The following SCN7A variants were observed in gnomAD, a reference collection of about 807,000 sequenced individuals.
SCN7A encodes the protein sodium channel protein type 7 subunit alpha.
SCN7A carries 138 observed loss-of-function variants against 155.2 expected under a neutral mutation model. The ratio of observed to expected loss-of-function variants is 0.89; its 90% confidence interval spans 0.77 to 1.02. The LOEUF is 1.02. Among genes scored for constraint, SCN7A ranks in the 50% least tolerant of loss-of-function variants. The pLI, the probability that SCN7A is intolerant of heterozygous loss-of-function variation, is 0.00. For synonymous variants in SCN7A, 693 were observed against 649.0 expected (o/e 1.07, Z -1.03); for missense variants, 2,058 against 1,986.6 (o/e 1.04, Z -0.68).
At chr2:166,417,655 G>A (rs957404115) in intron 20 of SCN7A, among the ~76,000 whole-genome samples, 1 of 150,864 alleles carries the variant, frequency 6.6e-6, no homozygotes. Flanking sequence ...GATCATTCAA[G>A]ATAACTGAAC....
chr2:166,492,905 C>T (rs1683145168), intron 1 of SCN7A, among the ~76,000 whole-genome samples: 1 of 152,138 alleles, frequency 6.6e-6, no homozygotes, highest in South Asian at 2.1e-4. Context: ...AAATAATTGG[C>T]TTAATTTGTA....
intron 9 of SCN7A, among the ~76,000 whole-genome samples, chr2:166,464,245 G>C (rs1702479007): frequency 6.6e-6 from 1 of 151,598 alleles, no homozygotes; most frequent in Admixed American, 6.6e-5. Context: ...CTGAGCAAGT[G>C]AGAAAATGTC....
chr2:166,411,819 T>G (rs1701209112), intron 23 of SCN7A, among the ~76,000 whole-genome samples: 1 of 152,074 alleles, frequency 6.6e-6, no homozygotes, highest in African/African-American at 2.4e-5. Flanking sequence ...TACCAGATTT[T>G]ACACATGGCT....
At chr2:166,480,327 G>C (rs899930184) in intron 2 of SCN7A, among the ~76,000 whole-genome samples, 3 of 151,864 alleles carry the variant, frequency 2.0e-5, no homozygotes, top group Admixed American at 6.6e-5. Context: ...GCGTGGTGGC[G>C]GGCGCCTGTA....
In SCN7A at chr2:166,445,879, A is replaced by G. The variant is rs148964350; in HGVS notation, c.1388-879T>C. On this transcript the variant is annotated intron_variant, in intron 12 of 25. Coordinates refer to ENST00000643258, the MANE Select transcript of SCN7A (RefSeq NM_002976.4). ...TTCCACCATATACAAAAACTAACTC[A>G]AGATGGATTAAAGACTTAAATGTGA... Among the ~76,000 whole-genome samples, 512 of 152,302 alleles carry G rather than the reference A, an allele frequency of 3.4e-3. 5 individuals carry two copies. Among genetic ancestry groups the G allele is most frequent in the African/African-American group, 0.012 (498 of 41,554 alleles).
chr2:166,419,243 G>T (rs73027626), intron 20 of SCN7A, among the ~76,000 whole-genome samples: 13,513 of 151,048 alleles, frequency 0.089, 1,131 homozygotes, highest in African/African-American at 0.21. Context: ...TACTTAGGGG[G>T]GTGTGTGTGT....
chr2:166,430,903 A>G (rs908574899), intron 16 of SCN7A, among the ~76,000 whole-genome samples: 2 of 152,062 alleles, frequency 1.3e-5, no homozygotes, highest in African/African-American at 4.8e-5. Context: ...TACATAATCT[A>G]GAAAGCATCT....
Position 166,409,856 on chromosome 2 carries a change from T to A in SCN7A, c.3791A>T (p.Gln1264Leu). Reference protein sequence around the residue: ...NVIVMVLICFQAIAMMIDTDV... With the variant: ...NVIVMVLICFLAIAMMIDTDV... Reference sequence around the variant, plus strand: ...AGTGTCTATCATCATGGCTATTGCTTGGAAACATATAAGAACCATAACAAT... The same window carrying A: ...AGTGTCTATCATCATGGCTATTGCTAGGAAACATATAAGAACCATAACAAT... Residue 1264 changes from glutamine (Q) to leucine (L), a missense_variant, in exon 25 of 26, where the codon CAA becomes CTA. By Grantham distance (113) the Gln-to-Leu change is moderately radical. Coordinates refer to ENST00000643258, the MANE Select transcript of SCN7A (RefSeq NM_002976.4). 1 of 1,570,058 alleles carries A rather than the reference T, an allele frequency of 6.4e-7. No individual in the cohort carries two copies. The highest frequency in any genetic ancestry group is 8.7e-7 in the Non-Finnish European group (1 of 1,155,488).
chr2:166,448,454 CTTTT>C (rs1179634224), intron 11 of SCN7A, among the ~76,000 whole-genome samples: 4 of 152,058 alleles, frequency 2.6e-5, no homozygotes, highest in African/African-American at 7.2e-5. Flanking sequence ...GACTTTCTTT[CTTTT>C]GAGTACATAC....
At chr2:166,466,108 T>C (rs1281298536) in intron 7 of SCN7A, 121 bp from the exon 8 acceptor site, 5 of 673,960 alleles carry the variant, frequency 7.4e-6, no homozygotes, top group Non-Finnish European at 1.2e-5. Flanking sequence ...TATAATGTAA[T>C]TCTAATTATT....
chr2:166,421,921 A>G (rs1701519910), intron 19 of SCN7A, among the ~76,000 whole-genome samples: 1 of 152,074 alleles, frequency 6.6e-6, no homozygotes, highest in Non-Finnish European at 1.5e-5. Flanking sequence ...TTATATCCAG[A>G]TTTTTCTACA....
At chr2:166,419,135 C>CT (rs914658115) in intron 20 of SCN7A, among the ~76,000 whole-genome samples, 2 of 151,982 alleles carry the variant, frequency 1.3e-5, no homozygotes, top group African/African-American at 4.8e-5. Flanking sequence ...GATTTTGTTA[C>CT]TTTTTTTTCC....
intron 11 of SCN7A, among the ~76,000 whole-genome samples, chr2:166,453,091 G>A (rs1205137123): frequency 6.6e-6 from 1 of 152,016 alleles, no homozygotes; most frequent in African/African-American, 2.4e-5. Context: ...ACATTTTATA[G>A]TATAATAACA....
chr2:166,475,410 T>TA (rs917222756), intron 3 of SCN7A, among the ~76,000 whole-genome samples: 7 of 150,926 alleles, frequency 4.6e-5, no homozygotes, highest in Non-Finnish European at 7.4e-5. Context: ...TACAGAAAAA[T>TA]AGACTACTTA....
intron 15 of SCN7A, chr2:166,440,718 T>C (rs1701941205): frequency 6.6e-6 from 1 of 152,126 alleles, no homozygotes; most frequent in Non-Finnish European, 1.5e-5. Flanking sequence ...AGGGAGACTA[T>C]TGTATTTGTA....
chr2:166,481,654 A>G lies in SCN7A; in HGVS notation c.-14-3944T>C, dbSNP rs149673427. Among the ~76,000 whole-genome samples, 18 of 152,270 alleles carry G rather than the reference A, an allele frequency of 1.2e-4. 1 individual carries two copies. The highest frequency in any genetic ancestry group is 4.3e-4 in the African/African-American group (18 of 41,560). On this transcript the variant is annotated intron_variant, in intron 2 of 25. Transcript: ENST00000643258. ...GGCAGTCCGTCTCTACTGTGCTGTA[A>G]TCCAAGAACACCACACCTGAAAGGC... is the stretch of plus-strand genomic sequence containing the variant.
At chr2:166,439,047 G>GTT (rs1701898446) in intron 15 of SCN7A, among the ~76,000 whole-genome samples, 1 of 75,972 alleles carries the variant, frequency 1.3e-5, no homozygotes, top group African/African-American at 7.0e-5. Flanking sequence ...ATATATGTGT[G>GTT]TGTGTGTGTA....
rs536869670 is a variant in SCN7A, at chr2:166,458,102, T to A, written c.1084-1026A>T. 5.3e-5 allele frequency among the ~76,000 whole-genome samples: 8 copies of A among 152,262 alleles called. No homozygotes were observed. In the South Asian group the frequency reaches 1.7e-3, roughly 32 times the overall value. On this transcript the variant is annotated intron_variant, in intron 10 of 25. Transcript: ENST00000643258. ...TACCACTGAAGTACCTGTTATTTAT[T>A]GTAGTGCATTCAGCAGTCAGGAATA...
chr2:166,473,453 C>A (rs1349827832), intron 5 of SCN7A, among the ~76,000 whole-genome samples: 1 of 151,462 alleles, frequency 6.6e-6, no homozygotes, highest in East Asian at 1.9e-4. Flanking sequence ...AGCCTTTTCC[C>A]CCAGAAAATT....
Sources: allele counts gnomAD v4.1 joint callset (sites outside exome capture counted in the v4.1 genomes callset), GRCh38; gene constraint gnomAD v4.1.1; transcripts MANE v1.5; gene names NCBI Gene and HGNC (gene_info 2026-07-23, HGNC 2026-07-21).